ACTR5: variants seen among roughly 807,000 people sequenced by gnomAD.
ACTR5 encodes the protein actin-related protein 5.
A neutral mutation model predicts 61.2 loss-of-function variants in ACTR5; 43 were observed. The ratio of observed to expected loss-of-function variants is 0.70; its 90% confidence interval spans 0.55 to 0.91. The LOEUF (loss-of-function observed/expected upper bound fraction) is 0.91. Among genes scored for constraint, ACTR5 ranks in the 40% least tolerant of loss-of-function variants. ACTR5 has a pLI of 0.00. For synonymous variants in ACTR5, 333 were observed against 310.5 expected (o/e 1.07, Z -0.76); for missense variants, 798 against 782.2 (o/e 1.02, Z -0.24).
chr20:38,763,721 A>G (rs939313987), intron 5 of ACTR5, among the ~76,000 whole-genome samples: 3 of 152,140 alleles, frequency 2.0e-5, no homozygotes, highest in African/African-American at 7.2e-5. Context: ...CAAATACAGT[A>G]ATGTCTGCAG....
rs1253617105 is a variant in ACTR5 at position 38,755,988 on chromosome 20, C to T, written c.1125C>T (p.Ile375=). The T allele has an allele frequency of 6.2e-7, 1 of 1,613,844 alleles. No homozygotes were observed. The highest frequency in any genetic ancestry group is 1.3e-5 in the African/African-American group (1 of 74,908). The change falls in exon 5 of 9, where the codon ATC becomes ATT. Residue 375 remains isoleucine (I), a synonymous_variant. Coordinates refer to ENST00000243903, the MANE Select transcript of ACTR5 (RefSeq NM_024855.4). ...CAGTGGAGCAGGCTAAGCAGAAAAT[C>T]CTCCAAGCGGAAGTCAACCTCGAGG... ...SIAVEQAKQK[I]LQAEVNLEVD...
intron 6 of ACTR5, 89 bp downstream of exon 6, chr20:38,765,607 T>C (rs2084481635): frequency 1.8e-6 from 2 of 1,084,306 alleles, no homozygotes; most frequent in South Asian, 2.9e-5. Context: ...GACTTAAAAC[T>C]GTTATGTTTT....
chr20:38,766,550 C>T (rs903047810), intron 7 of ACTR5, among the ~76,000 whole-genome samples, 173 bp downstream of exon 7: 1 of 152,136 alleles, frequency 6.6e-6, no homozygotes, highest in African/African-American at 2.4e-5. Flanking sequence ...AGGCCTGGCA[C>T]GTAACTGGGG....
chr20:38,767,326 G>T (rs2084492594), intron 7 of ACTR5, 138 bp from the exon 8 acceptor site: 2 of 812,738 alleles, frequency 2.5e-6, no homozygotes, highest in Non-Finnish European at 3.5e-6. Flanking sequence ...AATGAAAAAT[G>T]AAAGTTTTGA....
chr20:38,760,152 TAA>T (rs1158633072), intron 5 of ACTR5, among the ~76,000 whole-genome samples: 4 of 130,252 alleles, frequency 3.1e-5, no homozygotes, highest in African/African-American at 2.9e-5. Context: ...AGACCCTGTC[TAA>T]AAAAAAAAAA....
At chr20:38,769,479 G>A (rs1340087952) in intron 8 of ACTR5, among the ~76,000 whole-genome samples, 2 of 152,290 alleles carry the variant, frequency 1.3e-5, no homozygotes, top group Non-Finnish European at 1.5e-5. Context: ...GAGGGAAGTC[G>A]GACCTAAGAT....
At chr20:38,753,319 T>G (rs2084398119) in intron 3 of ACTR5, among the ~76,000 whole-genome samples, 1 of 152,196 alleles carries the variant, frequency 6.6e-6, no homozygotes, top group Non-Finnish European at 1.5e-5. Context: ...TGGTGTTGAT[T>G]ACATATGCTT....
intron 5 of ACTR5, among the ~76,000 whole-genome samples, chr20:38,757,758 G>A (rs2084429237): frequency 6.6e-6 from 1 of 150,884 alleles, no homozygotes; most frequent in African/African-American, 2.4e-5. Context: ...CAGTACATGA[G>A]TGTATGCTTT....
At chr20:38,757,986 T>G (rs1449410079) in intron 5 of ACTR5, among the ~76,000 whole-genome samples, 1 of 151,896 alleles carries the variant, frequency 6.6e-6, no homozygotes, top group Non-Finnish European at 1.5e-5. Flanking sequence ...GTCTTTGTTA[T>G]GTATTCATCC....
Position 38,771,598 on chromosome 20 carries a change from G to T in ACTR5, c.1606G>T (p.Gly536Cys). ...ASNPVLDAWY[G>C]ARDWALNHLD... ...GAACCCTGTGCTGGATGCCTGGTAC[G>T]GTGCTCGTGACTGGGCCTTGAACCA... The change falls in exon 9 of 9, where the codon GGT (glycine) becomes TGT (cysteine). Residue 536 changes from glycine (G) to cysteine (C), a missense_variant. Physicochemically the swap from Gly to Cys is radical, Grantham distance 159. Transcript: ENST00000243903. 4 of 1,614,122 alleles carry T rather than the reference G, an allele frequency of 2.5e-6. No homozygotes were observed. Among genetic ancestry groups the T allele is most frequent in the Non-Finnish European group, 2.5e-6 (3 of 1,180,034 alleles).
At chr20:38,766,413 T>G (rs2084487107) in intron 7 of ACTR5, 36 bp downstream of exon 7, 2 of 1,548,148 alleles carry the variant, frequency 1.3e-6, no homozygotes, top group East Asian at 2.3e-5. Context: ...TCTATCTTCC[T>G]GAACCATTTC....
rs148943306 is a variant in ACTR5, at chr20:38,768,028, C to T, written c.1566+432C>T. Among the ~76,000 whole-genome samples the T allele has an allele frequency of 1.4e-3, 218 of 152,216 alleles. 2 individuals carry two copies. The highest frequency in any genetic ancestry group is 4.7e-3 in the African/African-American group (196 of 41,530). On this transcript the variant is annotated intron_variant, in intron 8 of 8. Transcript: ENST00000243903. Reference sequence around the variant, plus strand: ...GATAAAGAGGAGAGGAGGTGGGTAACGTAGAGAGGTCAGCAGAGCCCACAC... The same window carrying T: ...GATAAAGAGGAGAGGAGGTGGGTAATGTAGAGAGGTCAGCAGAGCCCACAC...
chr20:38,769,814 AGTC>A (rs1422782442), intron 8 of ACTR5, among the ~76,000 whole-genome samples: 5 of 152,122 alleles, frequency 3.3e-5, no homozygotes. Flanking sequence ...GACACCCATG[AGTC>A]TAAGAAGGAG....
At position 38,771,868 on chromosome 20, in the gene ACTR5, G is replaced by T; in HGVS notation, c.*52G>T. 6.4e-7 allele frequency: 1 copy of T among 1,560,558 alleles called. No homozygotes were observed. Among genetic ancestry groups the T allele is most frequent in the Non-Finnish European group, 8.6e-7 (1 of 1,156,904 alleles). On this transcript the variant is annotated 3_prime_UTR_variant, in exon 9 of 9. Transcript: ENST00000243903. ...GCACGCCATGCCTTGGGCCACGTTG[G>T]CAGTGTGACAGGACTGTGATTGTGC...
At chr20:38,761,262 G>A (rs1038238077) in intron 5 of ACTR5, among the ~76,000 whole-genome samples, 2 of 152,156 alleles carry the variant, frequency 1.3e-5, no homozygotes, top group East Asian at 3.9e-4. Context: ...ACATCAGGTG[G>A]AGCTTTTCAG....
intron 5 of ACTR5, chr20:38,761,806 G>A (rs1266391636): frequency 6.6e-6 from 1 of 152,524 alleles, no homozygotes; most frequent in Non-Finnish European, 1.5e-5. Context: ...AGAATAAAGA[G>A]GGAAGTTCAT....
At chr20:38,762,904 G>T (rs1470809429) in intron 5 of ACTR5, among the ~76,000 whole-genome samples, 1 of 152,222 alleles carries the variant, frequency 6.6e-6, no homozygotes. Flanking sequence ...TAAATACACA[G>T]ATGACATCTT....
intron 5 of ACTR5, among the ~76,000 whole-genome samples, chr20:38,760,336 A>G (rs2084446215): frequency 6.6e-6 from 1 of 152,176 alleles, no homozygotes; most frequent in South Asian, 2.1e-4. Context: ...ATGAGCCTGC[A>G]TATTATCCTT....
chr20:38,754,662 TGAGCCGA>T (rs1458576730), intron 3 of ACTR5, among the ~76,000 whole-genome samples: 1 of 152,054 alleles, frequency 6.6e-6, no homozygotes, highest in African/African-American at 2.4e-5. Context: ...GAACTTGCAG[TGAGCCGA>T]GATCGCACCA....
Sources: allele counts gnomAD v4.1 joint callset (sites outside exome capture counted in the v4.1 genomes callset), GRCh38; gene constraint gnomAD v4.1.1; transcripts MANE v1.5; gene names NCBI Gene and HGNC (gene_info 2026-07-23, HGNC 2026-07-21).